STK39: variants seen among roughly 807,000 people sequenced by gnomAD.
STK39 encodes STE20/SPS1-related proline-alanine-rich protein kinase.
A neutral mutation model predicts 77.8 loss-of-function variants in STK39; 20 were observed. The observed-to-expected ratio is 0.26, with a 90% CI of 0.18 to 0.37. The LOEUF (loss-of-function observed/expected upper bound fraction) is 0.37. STK39 is among the 10% of genes least tolerant of loss of function. The pLI is 1.00. For missense variants in STK39, 479 were observed against 656.5 expected, an observed-to-expected ratio of 0.73 and a Z score of 2.95; for synonymous variants, 246 against 234.1, an observed-to-expected ratio of 1.05 and a Z score of -0.47.
Position 167,955,539 on chromosome 2 carries a change from T to A in STK39, c.1595A>T (p.Asp532Val). Residue 532 changes from aspartate (D) to valine (V), a missense_variant, in exon 18 of 18, where the codon GAT becomes GTT. By Grantham distance (152) the Asp-to-Val change is radical. Coordinates refer to ENST00000355999, the MANE Select transcript of STK39 (RefSeq NM_013233.3). ...AGCAAACCCAATCAGCTTCACTTCA[T>A]CAGGAATCTCCGACCCATCACAGCC... ...ASGCDGSEIPDEVKLIGFAQL... is the reference protein window; with the variant it reads ...ASGCDGSEIPVEVKLIGFAQL... The A allele has an allele frequency of 1.9e-6, 3 of 1,613,844 alleles. No homozygotes were observed. Among genetic ancestry groups the A allele is most frequent in the Non-Finnish European group, 2.5e-6 (3 of 1,179,878 alleles).
At chr2:168,051,992 C>CTTT (rs765347150) in intron 14 of STK39, among the ~76,000 whole-genome samples, 1 of 141,082 alleles carries the variant, frequency 7.1e-6, no homozygotes, top group African/African-American at 2.6e-5. Context: ...ATGAGGAAGA[C>CTTT]TTTTTTTTTT....
rs931390001 is a variant in STK39 at position 168,247,212 on chromosome 2, C to T, written c.208+16G>A. 5.4e-5 allele frequency: 65 copies of T among 1,199,066 alleles called. No homozygotes were observed. In the African/African-American group the frequency reaches 8.8e-4, roughly 16 times the overall value. The allele number at this position is 1,199,066 out of a possible 1,614,324, so 74.3% of individuals were successfully genotyped here. ...CGCCCGGCCTGTGCCGGCCCCGCCG[C>T]GCCCGCCGCACTGACCGATAACCTC... On this transcript the variant is annotated intron_variant, in intron 1 of 17. Transcript: ENST00000355999.
intron 1 of STK39, among the ~76,000 whole-genome samples, chr2:168,198,475 C>G (rs1487825458): frequency 6.6e-6 from 1 of 152,182 alleles, no homozygotes; most frequent in Admixed American, 6.5e-5. Flanking sequence ...TGAAAAGTTG[C>G]TGTATTTGGC....
intron 4 of STK39, among the ~76,000 whole-genome samples, chr2:168,162,646 C>T (rs1428222320): frequency 5.9e-5 from 9 of 151,940 alleles, no homozygotes; most frequent in Non-Finnish European, 8.8e-5. Context: ...ATTTCTTCAC[C>T]GTATAAAACC....
chr2:167,981,928 C>G (rs1401297665), intron 16 of STK39, among the ~76,000 whole-genome samples: 1 of 152,154 alleles, frequency 6.6e-6, no homozygotes, highest in Non-Finnish European at 1.5e-5. Context: ...GTGGCATGGG[C>G]AGCTAACTGT....
intron 17 of STK39, among the ~76,000 whole-genome samples, chr2:167,963,664 A>T (rs1277847908): frequency 6.6e-6 from 1 of 152,208 alleles, no homozygotes; most frequent in African/African-American, 2.4e-5. Context: ...TCCTTCAGAT[A>T]TATCTTTTCT....
chr2:168,188,752 T>G (rs1471573250), intron 1 of STK39, among the ~76,000 whole-genome samples: 1 of 152,232 alleles, frequency 6.6e-6, no homozygotes, highest in African/African-American at 2.4e-5. Flanking sequence ...TTCTGTCATC[T>G]GGTGCATTCT....
chr2:168,018,520 AAAAG>A (rs1228481683), intron 14 of STK39, among the ~76,000 whole-genome samples: 2,068 of 112,384 alleles, frequency 0.018, 77 homozygotes, highest in African/African-American at 0.072. Context: ...GAAAAGAAAG[AAAAG>A]AAAGAAAAGA....
intron 12 of STK39, among the ~76,000 whole-genome samples, chr2:168,069,632 T>C (rs1310283730): frequency 1.3e-5 from 2 of 152,244 alleles, no homozygotes; most frequent in Non-Finnish European, 2.9e-5. Context: ...ACCAGCTTCC[T>C]GGATTCCAGT....
chr2:167,991,600 A>G (rs947402442), intron 16 of STK39, among the ~76,000 whole-genome samples: 13 of 152,166 alleles, frequency 8.5e-5, no homozygotes, highest in Admixed American at 3.3e-4. Flanking sequence ...TCAATGCTGC[A>G]ATTGTACATT....
chr2:167,993,578 A>C (rs1005587280), intron 16 of STK39, among the ~76,000 whole-genome samples: 14 of 152,186 alleles, frequency 9.2e-5, no homozygotes, highest in African/African-American at 3.1e-4. Context: ...GAGCCGGGCT[A>C]AGGGAAGGAA....
At chr2:168,004,591 G>A (rs544232391) in intron 16 of STK39, among the ~76,000 whole-genome samples, 2 of 151,846 alleles carry the variant, frequency 1.3e-5, no homozygotes, top group Non-Finnish European at 2.9e-5. Flanking sequence ...AAATTAGCCT[G>A]ACATGGTGGT....
chr2:167,987,631 C>A (rs868756407), intron 16 of STK39, among the ~76,000 whole-genome samples: 64 of 152,246 alleles, frequency 4.2e-4, no homozygotes, highest in African/African-American at 1.5e-3. Flanking sequence ...CCCCAGCTGG[C>A]AAAATCCTAA....
At chr2:168,171,176 G>A (rs1378674937) in intron 2 of STK39, among the ~76,000 whole-genome samples, 4 of 152,096 alleles carry the variant, frequency 2.6e-5, no homozygotes, top group Admixed American at 2.6e-4. Flanking sequence ...CACAAGAGTG[G>A]GAAGACCAAC....
chr2:168,008,495 G>A (rs544561150), intron 16 of STK39, among the ~76,000 whole-genome samples: 1 of 152,270 alleles, frequency 6.6e-6, no homozygotes, highest in South Asian at 2.1e-4. Flanking sequence ...TTGAAGCTGT[G>A]GATTAAATCT....
intron 17 of STK39, among the ~76,000 whole-genome samples, chr2:167,961,948 C>T (rs1691971703): frequency 6.6e-6 from 1 of 152,218 alleles, no homozygotes; most frequent in Non-Finnish European, 1.5e-5. Context: ...CAGACTCACC[C>T]CTGGTCTAGA....
intron 10 of STK39, among the ~76,000 whole-genome samples, chr2:168,079,425 A>G (rs760721682): frequency 1.8e-4 from 27 of 152,184 alleles, no homozygotes; most frequent in Non-Finnish European, 3.4e-4. Context: ...ACACTTGAAA[A>G]GCAAGCCCTG....
intron 14 of STK39, among the ~76,000 whole-genome samples, chr2:168,020,133 A>G (rs1684534668): frequency 6.6e-6 from 1 of 152,202 alleles, no homozygotes; most frequent in African/African-American, 2.4e-5. Flanking sequence ...GGACCCCTAA[A>G]GAGATTTTGT....
intron 1 of STK39, among the ~76,000 whole-genome samples, chr2:168,185,239 C>T (rs551212836): frequency 1.2e-4 from 18 of 152,250 alleles, no homozygotes; most frequent in African/African-American, 4.3e-4. Flanking sequence ...TCATTTTATT[C>T]CTGACTCCTA....
Sources: allele counts gnomAD v4.1 joint callset (sites outside exome capture counted in the v4.1 genomes callset), GRCh38; gene constraint gnomAD v4.1.1; transcripts MANE v1.5; gene names NCBI Gene and HGNC (gene_info 2026-07-23, HGNC 2026-07-21).